Variants in FILIP1 observed in about 807,000 individuals in gnomAD.
FILIP1 encodes filamin-A-interacting protein 1.
A neutral mutation model predicts 102.1 loss-of-function variants in FILIP1; 61 were observed. The observed-to-expected ratio is 0.60, with a 90% CI of 0.49 to 0.74. The LOEUF is 0.74. FILIP1 is among the 30% of genes least tolerant of loss of function. The pLI is 0.00. For synonymous variants in FILIP1, 491 were observed against 526.9 expected (o/e 0.93, Z 0.93); for missense variants, 1,314 against 1,441.2 (o/e 0.91, Z 1.43).
downstream of FILIP1, among the ~76,000 whole-genome samples, chr6:75,304,034 A>G: frequency 6.6e-6 from 1 of 152,076 alleles, no homozygotes. Flanking sequence ...AAAATTACTG[A>G]TAGGTGTTTG....
intron 2 of FILIP1, among the ~76,000 whole-genome samples, chr6:75,397,203 AAAAG>A (rs1172425751): frequency 6.6e-6 from 1 of 152,092 alleles, no homozygotes; most frequent in Admixed American, 6.5e-5. Context: ...ATAAATAAAT[AAAAG>A]ACTTATTCAG....
chr6:75,319,983 T>C (rs897958527), intron 4 of FILIP1: 74 of 354,324 alleles, frequency 2.1e-4, no homozygotes, highest in African/African-American at 1.5e-3. Flanking sequence ...TTGCCCATGT[T>C]TAGTTATTTT....
chr6:75,446,257 A>G (rs1778440699), intron 1 of FILIP1, among the ~76,000 whole-genome samples: 1 of 152,162 alleles, frequency 6.6e-6, no homozygotes. Context: ...ATAATATGCT[A>G]ACAACTATGG....
intron 1 of FILIP1, chr6:75,453,858 C>T (rs1429447090): frequency 2.3e-6 from 1 of 430,778 alleles, no homozygotes; most frequent in Non-Finnish European, 4.7e-6. Context: ...AAGCCTGGTA[C>T]TTGGGGCCAT....
At chr6:75,353,821 G>A in intron 3 of FILIP1, 104 bp from the exon 4 acceptor site, 1 of 1,118,856 alleles carries the variant, frequency 8.9e-7, no homozygotes, top group Non-Finnish European at 1.3e-6. Context: ...CTGAAAGCGA[G>A]AACAGTGAGT....
chr6:75,365,157 G>A (rs1417198757), intron 2 of FILIP1, among the ~76,000 whole-genome samples: 2 of 151,952 alleles, frequency 1.3e-5, no homozygotes, highest in African/African-American at 4.8e-5. Context: ...GAAATGTGAA[G>A]TCTTATAGAG....
At chr6:75,375,309 C>T (rs1345819787) in intron 2 of FILIP1, among the ~76,000 whole-genome samples, 1 of 152,206 alleles carries the variant, frequency 6.6e-6, no homozygotes, top group East Asian at 1.9e-4. Flanking sequence ...ATCATGCTCT[C>T]AGTATAGACA....
Position 75,313,700 on chromosome 6 carries a change from C to T in FILIP1, c.2132G>A (p.Arg711Gln), listed in dbSNP as rs1228845904. 6.4e-7 allele frequency: 1 copy of T among 1,562,184 alleles called. No individual in the cohort carries two copies. The highest frequency in any genetic ancestry group is 2.0e-5 in the Admixed American group (1 of 50,686). Residue 711 changes from arginine to glutamine, a missense_variant, in exon 5 of 6, where the codon CGG (arginine) becomes CAG (glutamine). Physicochemically the swap from Arg to Gln is conservative, Grantham distance 43. Around this residue, in one of 3 missense-constraint regions of FILIP1, gnomAD observed 816 missense variants for 913.1 expected, o/e 0.89. Coordinates refer to ENST00000237172, the MANE Select transcript of FILIP1 (RefSeq NM_015687.5). This position sits in a 1 kb window ranked among gnomAD's most constrained non-coding sequence, Gnocchi z 4.2. ...GTCTCGACTTTTAGCTTCTTCCAAC[C>T]GAAATCTGTGTCTCAGTTCAGCTTC... Reference protein sequence around the residue: ...SQEAELRHRFRLEEAKSRDLK... With the variant: ...SQEAELRHRFQLEEAKSRDLK...
chr6:75,362,741 T>G lies in FILIP1; in HGVS notation c.450+3A>C. 6.2e-7 allele frequency: 1 copy of G among 1,612,490 alleles called. No homozygotes were observed. The highest frequency in any genetic ancestry group is 1.1e-5 in the South Asian group (1 of 91,052). ...AGGGGACTTGTTGGTGTCATATTTT[T>G]ACCTCTGAAATCGGTTTCTCATAGA... On this transcript the variant is annotated splice_donor_region_variant and intron_variant, in intron 3 of 5. Coordinates refer to ENST00000237172, the MANE Select transcript of FILIP1 (RefSeq NM_015687.5).
At chr6:75,392,854 C>T (rs1351010206) in intron 2 of FILIP1, among the ~76,000 whole-genome samples, 1 of 152,216 alleles carries the variant, frequency 6.6e-6, no homozygotes, top group African/African-American at 2.4e-5. Flanking sequence ...TGCACAAGCT[C>T]TCTCTTTGCC....
intron 1 of FILIP1, among the ~76,000 whole-genome samples, chr6:75,491,966 C>T (rs35985089): frequency 0.12 from 17,615 of 152,160 alleles, 1,040 homozygotes; most frequent in African/African-American, 0.13. Context: ...AACAATGTGA[C>T]CCTTCTTAGG....
chr6:75,461,004 T>C (rs1369019242), intron 1 of FILIP1, among the ~76,000 whole-genome samples: 1 of 152,186 alleles, frequency 6.6e-6, no homozygotes, highest in Non-Finnish European at 1.5e-5. Flanking sequence ...GTAGGATTTA[T>C]TGTTTACTAT....
intron 2 of FILIP1, among the ~76,000 whole-genome samples, chr6:75,364,246 A>G (rs2149614774): frequency 6.6e-6 from 1 of 152,348 alleles, no homozygotes; most frequent in African/African-American, 2.4e-5. Flanking sequence ...GTCAGGAAGT[A>G]GTTTAATGGA....
Position 75,393,788 on chromosome 6 carries a change from T to G in FILIP1, c.276+20909A>C, listed in dbSNP as rs370702229. 3.0e-4 allele frequency among the ~76,000 whole-genome samples: 46 copies of G among 152,338 alleles called. No individual in the cohort carries two copies. The East Asian group carries it at 7.3e-3, about 24-fold the overall frequency. ...CTGCAAATTACATTTCCCAGGCTCCTGTACTAGCTGCTTTCTGTTGGGTTC... is the reference window on the plus strand; with the variant it reads ...CTGCAAATTACATTTCCCAGGCTCCGGTACTAGCTGCTTTCTGTTGGGTTC... On this transcript the variant is annotated intron_variant, in intron 2 of 5. Coordinates refer to ENST00000237172, the MANE Select transcript of FILIP1 (RefSeq NM_015687.5).
At chr6:75,377,183 T>C (rs921431514) in intron 2 of FILIP1, among the ~76,000 whole-genome samples, 2 of 152,170 alleles carry the variant, frequency 1.3e-5, no homozygotes, top group East Asian at 1.9e-4. Flanking sequence ...ATTGCATCTT[T>C]AACAATATTC....
At position 75,384,204 on chromosome 6, in the gene FILIP1, A is replaced by T. The variant is rs183394006; in HGVS notation, c.277-21287T>A. Among the ~76,000 whole-genome samples, 140 of 152,324 alleles carry T rather than the reference A, an allele frequency of 9.2e-4. 1 individual carries two copies. The highest frequency in any genetic ancestry group is 3.4e-3 in the African/African-American group (140 of 41,568). ...TCTAATACAAAAAAAATTCCAAGGAAAAGATCAAATAATTGTGTTAGACTA... is the reference window on the plus strand; with the variant it reads ...TCTAATACAAAAAAAATTCCAAGGATAAGATCAAATAATTGTGTTAGACTA... On this transcript the variant is annotated intron_variant, in intron 2 of 5. Transcript: ENST00000237172.
intron 1 of FILIP1, among the ~76,000 whole-genome samples, chr6:75,488,959 G>A (rs570419033): frequency 7.4e-4 from 113 of 152,260 alleles, no homozygotes; most frequent in African/African-American, 2.7e-3. Context: ...TAAAGTTAAA[G>A]TTAGCTTAAG....
chr6:75,408,846 G>A (rs966362446), intron 2 of FILIP1, among the ~76,000 whole-genome samples: 3 of 152,080 alleles, frequency 2.0e-5, no homozygotes, highest in Non-Finnish European at 2.9e-5. Context: ...CCCAAAGCCT[G>A]CACTGTTACA....
chr6:75,306,807 CA>C (rs2149538644), downstream of FILIP1, among the ~76,000 whole-genome samples: 1 of 129,728 alleles, frequency 7.7e-6, no homozygotes, highest in Admixed American at 7.9e-5. Context: ...GGCTGGAGTG[CA>C]GTGGCATGAT....
Sources: allele counts gnomAD v4.1 joint callset (sites outside exome capture counted in the v4.1 genomes callset), GRCh38; gene constraint gnomAD v4.1.1; regional missense constraint gnomAD v4.1.1; non-coding constraint Gnocchi (gnomAD v3.1); transcripts MANE v1.5; gene names NCBI Gene and HGNC (gene_info 2026-07-23, HGNC 2026-07-21).